OPCML: variants seen among roughly 807,000 people sequenced by gnomAD.
OPCML encodes opioid-binding protein/cell adhesion molecule.
A neutral mutation model predicts 37.8 loss-of-function variants in OPCML; 13 were observed. The observed-to-expected ratio is 0.34, with a 90% CI of 0.22 to 0.55. The LOEUF (loss-of-function observed/expected upper bound fraction) is 0.55, where lower values mean the gene tolerates loss of function less well. Ranked by LOEUF, OPCML falls within the 20% of genes least tolerant of loss-of-function variation. OPCML has a pLI of 0.91. For synonymous variants in OPCML, 176 were observed against 168.8 expected (o/e 1.04, Z -0.33); for missense variants, 341 against 435.6 (o/e 0.78, Z 1.93).
chr11:132,838,761 T>C (rs999326017), intron 2 of OPCML, among the ~76,000 whole-genome samples: 4 of 150,874 alleles, frequency 2.7e-5, no homozygotes, highest in African/African-American at 7.3e-5. Context: ...AGTAAGAGAG[T>C]GGAAGTTTAG....
intron 1 of OPCML, among the ~76,000 whole-genome samples, chr11:133,015,407 G>GGAAT (rs1947308454): frequency 1.9e-5 from 2 of 107,176 alleles, no homozygotes; most frequent in African/African-American, 7.2e-5. Flanking sequence ...AAGGAAGGAA[G>GGAAT]GAAGGAAGGA....
intron 2 of OPCML, among the ~76,000 whole-genome samples, chr11:132,687,620 T>C (rs1433528583): frequency 6.6e-6 from 1 of 151,718 alleles, no homozygotes; most frequent in African/African-American, 2.4e-5. Context: ...AAAGCAGAAC[T>C]TGTATTTAAA....
At chr11:133,015,820 C>T (rs1288013745) in intron 1 of OPCML, among the ~76,000 whole-genome samples, 6 of 152,186 alleles carry the variant, frequency 3.9e-5, no homozygotes, top group Non-Finnish European at 7.4e-5. Context: ...GACCACTCTG[C>T]CCTTGCTCCT....
intron 1 of OPCML, among the ~76,000 whole-genome samples, chr11:133,462,918 G>C (rs976014010): frequency 6.6e-6 from 1 of 152,062 alleles, no homozygotes; most frequent in African/African-American, 2.4e-5. Context: ...ATAGCCAAAA[G>C]GTGGAAGCAA....
intron 1 of OPCML, among the ~76,000 whole-genome samples, chr11:133,052,564 C>A (rs1209036181): frequency 2.0e-5 from 3 of 152,190 alleles, no homozygotes; most frequent in Non-Finnish European, 4.4e-5. Flanking sequence ...TTATTTTGTC[C>A]ATGGCACCTG....
intron 2 of OPCML, among the ~76,000 whole-genome samples, chr11:132,800,710 A>C (rs1360033261): frequency 6.6e-6 from 1 of 152,200 alleles, no homozygotes; most frequent in African/African-American, 2.4e-5. Context: ...GGATTACATT[A>C]ATTGATTTTA....
chr11:132,879,972 T>A (rs766402945), intron 2 of OPCML, among the ~76,000 whole-genome samples: 14 of 152,202 alleles, frequency 9.2e-5, no homozygotes, highest in Non-Finnish European at 1.6e-4. Flanking sequence ...GCACATTCTT[T>A]CTTGTCTTCA....
chr11:133,263,839 G>C (rs911763124), intron 1 of OPCML, among the ~76,000 whole-genome samples: 4 of 152,152 alleles, frequency 2.6e-5, no homozygotes, highest in Non-Finnish European at 5.9e-5. Context: ...CCAAAAATCT[G>C]CCATGTATTT....
At chr11:132,622,934 G>A (rs555389873) in intron 3 of OPCML, among the ~76,000 whole-genome samples, 31 of 152,108 alleles carry the variant, frequency 2.0e-4, no homozygotes, top group African/African-American at 5.8e-4. Context: ...GCAACTCATC[G>A]TATCTCTTTG....
intron 1 of OPCML, among the ~76,000 whole-genome samples, chr11:133,220,757 C>T (rs559278031): frequency 9.9e-4 from 150 of 152,154 alleles, no homozygotes; most frequent in African/African-American, 3.4e-3. Flanking sequence ...TTTTCTGCCC[C>T]CTCTTCCATT....
At chr11:132,450,583 T>G (rs958296374) in intron 4 of OPCML, among the ~76,000 whole-genome samples, 15 of 146,054 alleles carry the variant, frequency 1.0e-4, no homozygotes, top group South Asian at 6.9e-4. Context: ...CTCTAGAGGG[T>G]TTTTTTTTTT....
At chr11:133,336,000 A>C (rs977440902) in intron 1 of OPCML, among the ~76,000 whole-genome samples, 3 of 152,302 alleles carry the variant, frequency 2.0e-5, no homozygotes, top group Admixed American at 1.3e-4. Context: ...TCCTGAAAGG[A>C]GGAACCAATA....
intron 2 of OPCML, among the ~76,000 whole-genome samples, chr11:132,726,441 G>A (rs1944887668): frequency 6.6e-6 from 1 of 151,860 alleles, no homozygotes. Context: ...CTTCCACTGG[G>A]TCCCTCCCAC....
chr11:132,886,878 GA>G (rs1943443209), intron 2 of OPCML, among the ~76,000 whole-genome samples: 1 of 152,118 alleles, frequency 6.6e-6, no homozygotes, highest in Non-Finnish European at 1.5e-5. Context: ...ATACATCCCA[GA>G]ACGCCATCGT....
At chr11:133,361,749 C>T (rs543979962) in intron 1 of OPCML, 4 of 154,270 alleles carry the variant, frequency 2.6e-5, no homozygotes, top group Admixed American at 2.0e-4. Flanking sequence ...GGCCCGCAGC[C>T]GCTCCCAAGG....
At chr11:133,159,118 G>A (rs1285060092) in intron 1 of OPCML, among the ~76,000 whole-genome samples, 1 of 152,182 alleles carries the variant, frequency 6.6e-6, no homozygotes, top group African/African-American at 2.4e-5. Flanking sequence ...AAATAAGGTG[G>A]TTTGCTGATC....
At chr11:132,953,751 C>G (rs866573847) in intron 1 of OPCML, among the ~76,000 whole-genome samples, 3 of 152,198 alleles carry the variant, frequency 2.0e-5, no homozygotes, top group African/African-American at 7.2e-5. Context: ...TTGCCAGGCT[C>G]TAAATCTGGA....
chr11:132,481,220 G>A (rs545511888), intron 4 of OPCML, among the ~76,000 whole-genome samples: 2 of 152,232 alleles, frequency 1.3e-5, no homozygotes, highest in African/African-American at 2.4e-5. Context: ...ATAAAGGGAT[G>A]GAGGAAGATC....
intron 4 of OPCML, among the ~76,000 whole-genome samples, chr11:132,445,579 G>T: frequency 6.6e-6 from 1 of 152,140 alleles, no homozygotes; most frequent in East Asian, 1.9e-4. Flanking sequence ...ATCCCTGGGG[G>T]GTCATGAGAC....
Sources: gnomAD v4.1 joint callset for allele counts (sites outside exome capture counted in the v4.1 genomes callset) on GRCh38, gnomAD v4.1.1 for gene constraint, MANE v1.5 for transcripts, NCBI Gene and HGNC (gene_info 2026-07-23, HGNC 2026-07-21) for gene names.